CLVS1: variants seen among roughly 807,000 people sequenced by gnomAD.
CLVS1 encodes clavesin 1, also known as clavesin-1.
In CLVS1, 10 loss-of-function variants were observed where a neutral mutation model predicts 33.1. The observed-to-expected ratio is 0.30, with a 90% CI of 0.19 to 0.51. The LOEUF is 0.51. Among genes scored for constraint, CLVS1 ranks in the 20% least tolerant of loss-of-function variants. The pLI is 0.97. For synonymous variants in CLVS1, 163 were observed against 166.1 expected (o/e 0.98, Z 0.14); for missense variants, 343 against 433.4 (o/e 0.79, Z 1.85).
chr8:61,472,552 C>T (rs1490378402), intron 5 of CLVS1, among the ~76,000 whole-genome samples: 2 of 152,304 alleles, frequency 1.3e-5, no homozygotes, highest in Non-Finnish European at 2.9e-5. Context: ...ATCAATGTTT[C>T]ATTAGAATTT....
intron 2 of CLVS1, among the ~76,000 whole-genome samples, chr8:61,317,124 TA>T (rs1187293906): frequency 1.3e-5 from 2 of 152,192 alleles, no homozygotes; most frequent in South Asian, 2.1e-4. Context: ...TGGTAATTTA[TA>T]AACAACAGAA....
chr8:61,439,594 G>A (rs1163092525), intron 3 of CLVS1, among the ~76,000 whole-genome samples: 1 of 152,130 alleles, frequency 6.6e-6, no homozygotes, highest in East Asian at 1.9e-4. Context: ...GCTCTATTAA[G>A]CAGAAAGTAA....
intron 1 of CLVS1, among the ~76,000 whole-genome samples, chr8:61,079,100 T>A (rs1285422811): frequency 6.6e-6 from 1 of 152,168 alleles, no homozygotes; most frequent in African/African-American, 2.4e-5. Flanking sequence ...AACCGTCTGG[T>A]TTAGATTATA....
intron 2 of CLVS1, among the ~76,000 whole-genome samples, chr8:61,232,236 C>A (rs185677931): frequency 4.9e-4 from 75 of 151,738 alleles, no homozygotes; most frequent in African/African-American, 1.7e-3. Flanking sequence ...CGGGGTTTCA[C>A]CATGTTAGCC....
chr8:60,967,912 G>T, the CLVS1 span: 1 of 313,350 alleles, frequency 3.2e-6, no homozygotes, highest in Admixed American at 4.6e-5. Flanking sequence ...CCACACACCC[G>T]TGGACTAATC....
intron 2 of CLVS1, among the ~76,000 whole-genome samples, chr8:61,236,934 G>T (rs1034056113): frequency 1.3e-5 from 2 of 152,176 alleles, no homozygotes; most frequent in Non-Finnish European, 2.9e-5. Flanking sequence ...CTGGTGGATG[G>T]CAGAATAGAG....
chr8:61,228,414 C>T (rs1197730128), intron 2 of CLVS1, among the ~76,000 whole-genome samples: 1 of 152,136 alleles, frequency 6.6e-6, no homozygotes, highest in African/African-American at 2.4e-5. Flanking sequence ...ATAAACCCCT[C>T]ATAAGCTGAA....
the CLVS1 span, among the ~76,000 whole-genome samples, chr8:61,048,518 G>A: frequency 6.6e-6 from 1 of 152,196 alleles, no homozygotes; most frequent in African/African-American, 2.4e-5. Flanking sequence ...TGTGCCAGTA[G>A]CTAACAGCTA....
chr8:61,074,215 G>A (rs1319332282), intron 1 of CLVS1, among the ~76,000 whole-genome samples: 1 of 150,662 alleles, frequency 6.6e-6, no homozygotes, highest in South Asian at 2.1e-4. Flanking sequence ...GTGCATGCCT[G>A]TAGTCCCAGC....
At chr8:61,035,453 G>A in the CLVS1 span, among the ~76,000 whole-genome samples, 7 of 152,280 alleles carry the variant, frequency 4.6e-5, no homozygotes, top group South Asian at 1.4e-3. Context: ...GAGATTGCCA[G>A]CAATTTGAAT....
upstream of CLVS1, among the ~76,000 whole-genome samples, chr8:61,055,247 A>G (rs1804456078): frequency 6.6e-6 from 1 of 152,228 alleles, no homozygotes; most frequent in Admixed American, 6.5e-5. Flanking sequence ...GTGAATTTAA[A>G]GTGTTTAAGA....
intron 2 of CLVS1, among the ~76,000 whole-genome samples, chr8:61,250,098 G>A (rs1808902871): frequency 1.3e-5 from 2 of 152,044 alleles, no homozygotes; most frequent in South Asian, 2.1e-4. Context: ...TTTTGTATAA[G>A]GTGTAAGGAA....
chr8:61,123,315 T>A (rs2129290075), intron 1 of CLVS1, among the ~76,000 whole-genome samples: 1 of 103,386 alleles, frequency 9.7e-6, no homozygotes, highest in Non-Finnish European at 2.2e-5. Context: ...ATAGTTTATA[T>A]CTCCCTTTCT....
chr8:61,131,524 G>T (rs756624712), intron 1 of CLVS1, among the ~76,000 whole-genome samples: 2 of 152,176 alleles, frequency 1.3e-5, no homozygotes, highest in Non-Finnish European at 2.9e-5. Flanking sequence ...TGGCTGGAAG[G>T]TAGGGAAGAA....
chr8:61,034,762 C>T, the CLVS1 span, among the ~76,000 whole-genome samples: 4 of 152,072 alleles, frequency 2.6e-5, no homozygotes, highest in Non-Finnish European at 4.4e-5. Flanking sequence ...AAATGGTATC[C>T]AGTATTTTCC....
In CLVS1 at chr8:61,376,641, G is replaced by A. The variant is rs779122829; in HGVS notation, c.492G>A (p.Leu164=). The A allele has an allele frequency of 8.1e-6, 13 of 1,613,992 alleles. No individual in the cohort carries two copies. Among genetic ancestry groups the A allele is most frequent in the Non-Finnish European group, 1.1e-5 (13 of 1,179,972 alleles). The change falls in exon 3 of 6, where the codon CTG becomes CTA. Residue 164 remains leucine, a synonymous_variant. Coordinates refer to ENST00000325897, the MANE Select transcript of CLVS1 (RefSeq NM_173519.3). ...SFTDILRAIL[L]SLEVLIEDPE... The stretch of plus-strand genomic sequence containing the variant: ...CAGACATCCTTCGTGCCATCCTGCT[G>A]TCATTGGAAGTCCTAATCGAAGATC...
chr8:61,414,772 C>G (rs1432908470), intron 3 of CLVS1, among the ~76,000 whole-genome samples: 2 of 152,202 alleles, frequency 1.3e-5, no homozygotes, highest in Non-Finnish European at 2.9e-5. Flanking sequence ...GGCACAAACC[C>G]TCACTGATCC....
chr8:61,131,143 C>T (rs994189120), intron 1 of CLVS1, among the ~76,000 whole-genome samples: 2 of 152,136 alleles, frequency 1.3e-5, no homozygotes, highest in Admixed American at 6.5e-5. Context: ...CCAACATTGT[C>T]CCCTAGGGAG....
chr8:61,388,928 C>G (rs574260865), intron 3 of CLVS1, among the ~76,000 whole-genome samples: 128 of 152,212 alleles, frequency 8.4e-4, no homozygotes, highest in Middle Eastern at 3.4e-3. Flanking sequence ...CCTGCTTCCC[C>G]CAACCCTCCC....
Sources: allele counts gnomAD v4.1 joint callset (sites outside exome capture counted in the v4.1 genomes callset), GRCh38; gene constraint gnomAD v4.1.1; transcripts MANE v1.5; gene names NCBI Gene and HGNC (gene_info 2026-07-23, HGNC 2026-07-21).